Variants in SKIC3 observed in about 807,000 individuals in gnomAD.
SKIC3 encodes the protein SKI3 subunit of superkiller complex, also known as superkiller complex protein 3.
chr5:95,550,303 A>C, the SKIC3 span, among the ~76,000 whole-genome samples: 2 of 152,090 alleles, frequency 1.3e-5, no homozygotes, highest in East Asian at 3.9e-4. Context: ...ATGAAACCTT[A>C]AATAATATTC....
the SKIC3 span, among the ~76,000 whole-genome samples, chr5:95,531,924 A>G: frequency 6.6e-6 from 1 of 152,152 alleles, no homozygotes; most frequent in Admixed American, 6.5e-5. Flanking sequence ...CTTTAAAAAT[A>G]CCATTATGAA....
the SKIC3 span, chr5:95,484,693 C>G: frequency 1.4e-5 from 23 of 1,613,586 alleles, 2 homozygotes; most frequent in South Asian, 2.4e-4. Flanking sequence ...GATAAGAATC[C>G]ATGAGTTTCA....
At chr5:95,530,017 G>C in the SKIC3 span, 1 of 1,571,596 alleles carries the variant, frequency 6.4e-7, no homozygotes, top group African/African-American at 1.3e-5. Context: ...TTAAAGAAAG[G>C]CTCAAAGATA....
the SKIC3 span, chr5:95,530,166 C>A: frequency 3.1e-6 from 5 of 1,613,502 alleles, no homozygotes; most frequent in Non-Finnish European, 4.2e-6. Flanking sequence ...GAGGCCTGGA[C>A]CACTTTTTGA....
chr5:95,504,945 C>A, the SKIC3 span, among the ~76,000 whole-genome samples: 1 of 151,532 alleles, frequency 6.6e-6, no homozygotes. Flanking sequence ...GCGGAGGTTG[C>A]AATGAGCCGA....
chr5:95,503,238 G>T, the SKIC3 span, among the ~76,000 whole-genome samples: 4 of 152,076 alleles, frequency 2.6e-5, no homozygotes, highest in Non-Finnish European at 5.9e-5. Flanking sequence ...TAACTTCTAC[G>T]TTCGGAATCT....
At chr5:95,465,311 C>T in the SKIC3 span, among the ~76,000 whole-genome samples, 1 of 152,174 alleles carries the variant, frequency 6.6e-6, no homozygotes, top group African/African-American at 2.4e-5. Flanking sequence ...CCTCTAAACT[C>T]TTACTCAAAA....
chr5:95,481,556 G>A, the SKIC3 span, among the ~76,000 whole-genome samples: 1 of 151,992 alleles, frequency 6.6e-6, no homozygotes, highest in African/African-American at 2.4e-5. Flanking sequence ...CTTTTAGTTT[G>A]ACAATGTATT....
At chr5:95,523,195 G>T in the SKIC3 span, 18 of 1,613,474 alleles carry the variant, frequency 1.1e-5, no homozygotes, top group Middle Eastern at 1.6e-4. Context: ...ACAATAAGGT[G>T]CCTTACTCAG....
the SKIC3 span, among the ~76,000 whole-genome samples, chr5:95,535,362 G>GT: frequency 7.0e-6 from 1 of 141,936 alleles, no homozygotes; most frequent in Non-Finnish European, 1.5e-5. Context: ...CCAGGCCGGA[G>GT]TGCAGTGGCG....
chr5:95,475,333 G>A, the SKIC3 span, among the ~76,000 whole-genome samples: 382 of 152,072 alleles, frequency 2.5e-3, 3 homozygotes, highest in African/African-American at 8.7e-3. Flanking sequence ...TCATGCAGGC[G>A]GAGTTCTCAT....
At chr5:95,543,315 G>A in the SKIC3 span, 1 of 1,613,754 alleles carries the variant, frequency 6.2e-7, no homozygotes. Context: ...TTTTTCTCTT[G>A]CTTTAACACT....
the SKIC3 span, among the ~76,000 whole-genome samples, chr5:95,483,127 C>T: frequency 6.6e-6 from 1 of 152,008 alleles, no homozygotes; most frequent in African/African-American, 2.4e-5. Context: ...AGAAAAATGA[C>T]CTATTTTCCC....
chr5:95,470,060 C>T, the SKIC3 span: 5 of 926,760 alleles, frequency 5.4e-6, no homozygotes, highest in Non-Finnish European at 6.2e-6. Context: ...CACTTGCAAG[C>T]TCTGCCTCCC....
At chr5:95,541,070 A>T in the SKIC3 span, among the ~76,000 whole-genome samples, 1 of 152,098 alleles carries the variant, frequency 6.6e-6, no homozygotes, top group Non-Finnish European at 1.5e-5. Context: ...GGGTTGAAGC[A>T]ATTCTCCTGC....
chr5:95,504,878 G>A, the SKIC3 span, among the ~76,000 whole-genome samples: 1 of 151,992 alleles, frequency 6.6e-6, no homozygotes, highest in African/African-American at 2.4e-5. Context: ...GGTGGTGGGT[G>A]CCTGTAATTC....
At chr5:95,503,958 T>C in the SKIC3 span, 6 of 1,613,352 alleles carry the variant, frequency 3.7e-6, no homozygotes, top group Admixed American at 1.0e-4. Context: ...AAAGCACAAC[T>C]TACTTTTAAT....
the SKIC3 span, chr5:95,494,946 G>A: frequency 2.2e-5 from 36 of 1,612,576 alleles, no homozygotes; most frequent in Admixed American, 6.7e-5. Context: ...CATTTCCTTT[G>A]TACTAGGACA....
chr5:95,516,553 A>T, the SKIC3 span: 1 of 1,613,458 alleles, frequency 6.2e-7, no homozygotes, highest in South Asian at 1.1e-5. Flanking sequence ...TGATTTGATG[A>T]AACAGTGCTG....
Sources: gnomAD v4.1 joint callset for allele counts (sites outside exome capture counted in the v4.1 genomes callset) on GRCh38, gnomAD v4.1.1 for gene constraint, MANE v1.5 for transcripts, NCBI Gene and HGNC (gene_info 2026-07-23, HGNC 2026-07-21) for gene names.